The following NAA11 variants were observed in gnomAD, a reference collection of about 807,000 sequenced individuals.
NAA11 encodes N-alpha-acetyltransferase 11, NatA catalytic subunit.
In NAA11, 15 loss-of-function variants were observed where a neutral mutation model predicts 16.1. The observed-to-expected ratio is 0.93, with a 90% confidence interval of 0.62 to 1.44. The LOEUF is 1.44. Ranked by LOEUF, NAA11 falls within the 40% of genes most tolerant of loss-of-function variation. The pLI is 0.00. For missense variants in NAA11, 298 were observed against 291.3 expected (o/e 1.02, Z -0.17); for synonymous variants, 122 against 112.4 (o/e 1.09, Z -0.54).
chr4:79,171,583 A>C, the NAA11 span, among the ~76,000 whole-genome samples: 158 of 152,322 alleles, frequency 1.0e-3, no homozygotes, highest in Middle Eastern at 6.8e-3. Flanking sequence ...AAAGACTCTG[A>C]AGGGGGAGGT....
At chr4:79,312,634 G>A (rs188450861), downstream of NAA11, among the ~76,000 whole-genome samples, 83 of 120,944 alleles carry the variant, frequency 6.9e-4, no homozygotes, top group African/African-American at 2.4e-3. Context: ...GTGACAGAGA[G>A]AGACTCCATC....
chr4:79,163,585 C>A, the NAA11 span, among the ~76,000 whole-genome samples: 3 of 152,246 alleles, frequency 2.0e-5, no homozygotes, highest in East Asian at 3.9e-4. Context: ...TAATAGAATG[C>A]TGACTGACAC....
intron 1 of NAA11, among the ~76,000 whole-genome samples, chr4:79,303,079 T>TATATATATATATAC (rs1723450197): frequency 7.5e-5 from 1 of 13,362 alleles, no homozygotes; most frequent in African/African-American, 2.4e-4. Context: ...AGGCCTTTTA[T>TATATATATATATAC]ATATATATAT....
chr4:79,208,152 G>A, the NAA11 span, among the ~76,000 whole-genome samples: 1 of 152,170 alleles, frequency 6.6e-6, no homozygotes, highest in Admixed American at 6.6e-5. Context: ...AATGTTGCGA[G>A]AATCAAGGGC....
the NAA11 span, among the ~76,000 whole-genome samples, chr4:79,218,312 T>C: frequency 2.0e-5 from 3 of 151,968 alleles, no homozygotes; most frequent in Admixed American, 6.6e-5. Context: ...TTGTACTTTA[T>C]TTAGGAAAGA....
chr4:79,315,490 C>T (rs186088249), downstream of NAA11, among the ~76,000 whole-genome samples: 51 of 152,212 alleles, frequency 3.4e-4, 1 homozygote, highest in South Asian at 3.7e-3. Flanking sequence ...CCAAAGAAAA[C>T]GTAGTGAGCT....
chr4:79,178,053 A>G, the NAA11 span, among the ~76,000 whole-genome samples: 4 of 152,188 alleles, frequency 2.6e-5, no homozygotes, highest in African/African-American at 7.2e-5. Flanking sequence ...ACTGAGCAAA[A>G]CAAATGAAGC....
At chr4:79,319,345 G>C (rs1338394493) in intron 1 of NAA11, among the ~76,000 whole-genome samples, 1 of 152,050 alleles carries the variant, frequency 6.6e-6, no homozygotes, top group Non-Finnish European at 1.5e-5. Context: ...TTATAAACAT[G>C]AAACAGAATA....
downstream of NAA11, among the ~76,000 whole-genome samples, chr4:79,311,869 T>G (rs1235621335): frequency 1.3e-5 from 2 of 152,184 alleles, no homozygotes; most frequent in African/African-American, 4.8e-5. Flanking sequence ...ATATATTAGA[T>G]TATTGCCTTT....
At chr4:79,280,883 G>T (rs186227963) in intron 2 of NAA11, among the ~76,000 whole-genome samples, 3 of 152,044 alleles carry the variant, frequency 2.0e-5, no homozygotes, top group African/African-American at 7.2e-5. Context: ...GGAAAGCCTT[G>T]AAAGACAGAT....
At chr4:79,195,045 TATCTA>T in the NAA11 span, among the ~76,000 whole-genome samples, 17 of 152,102 alleles carry the variant, frequency 1.1e-4, no homozygotes, top group Admixed American at 1.1e-3. Context: ...AAAAGTGTCC[TATCTA>T]ATCTAAATAC....
the NAA11 span, among the ~76,000 whole-genome samples, chr4:79,171,232 G>C: frequency 1.3e-5 from 2 of 152,134 alleles, no homozygotes; most frequent in African/African-American, 4.8e-5. Flanking sequence ...ATGGATTAAT[G>C]TCATTATTGT....
intron 2 of NAA11, among the ~76,000 whole-genome samples, chr4:79,276,200 G>A (rs931094185): frequency 2.0e-5 from 3 of 151,960 alleles, no homozygotes; most frequent in African/African-American, 7.2e-5. Context: ...TAAGAAATTT[G>A]TTTCTTTTGA....
At chr4:79,169,120 G>A in the NAA11 span, among the ~76,000 whole-genome samples, 2 of 152,042 alleles carry the variant, frequency 1.3e-5, no homozygotes, top group African/African-American at 2.4e-5. Context: ...ATAAACAAAT[G>A]GAAAAACATC....
chr4:79,233,759 A>G (rs1358874590), intron 2 of NAA11, among the ~76,000 whole-genome samples: 1 of 152,108 alleles, frequency 6.6e-6, no homozygotes, highest in Non-Finnish European at 1.5e-5. Flanking sequence ...CAGAACTGCT[A>G]ACAGTGTACT....
At chr4:79,171,413 GA>G in the NAA11 span, among the ~76,000 whole-genome samples, 1 of 152,118 alleles carries the variant, frequency 6.6e-6, no homozygotes, top group African/African-American at 2.4e-5. Flanking sequence ...TGGGCCCCTT[GA>G]TCTTGGACTT....
chr4:79,293,445 G>C (rs1426588947), intron 2 of NAA11, among the ~76,000 whole-genome samples: 1 of 152,148 alleles, frequency 6.6e-6, no homozygotes, highest in African/African-American at 2.4e-5. Context: ...GACAGACACT[G>C]CTCTAAAAAC....
chr4:79,255,950 T>G (rs962183679), intron 2 of NAA11, among the ~76,000 whole-genome samples: 2 of 152,176 alleles, frequency 1.3e-5, no homozygotes, highest in South Asian at 2.1e-4. Context: ...GGGCGGTAAC[T>G]CCCAGGTGTT....
intron 2 of NAA11, among the ~76,000 whole-genome samples, chr4:79,244,322 A>G (rs1721756950): frequency 1.1e-5 from 1 of 88,724 alleles, no homozygotes; most frequent in South Asian, 6.1e-4. Context: ...TCATTGGGCT[A>G]CTTCCAGTAA....
Sources: allele counts gnomAD v4.1 joint callset (sites outside exome capture counted in the v4.1 genomes callset), GRCh38; gene constraint gnomAD v4.1.1; transcripts MANE v1.5; gene names NCBI Gene and HGNC (gene_info 2026-07-23, HGNC 2026-07-21).